ASCC3: variants seen among roughly 807,000 people sequenced by gnomAD.
The protein encoded by ASCC3 is activating signal cointegrator 1 complex subunit 3, also known as ASC-1 complex subunit P200.
Under a neutral mutation model 256.3 loss-of-function variants are expected in ASCC3, and 158 were observed. The observed-to-expected ratio is 0.62, with a 90% CI of 0.54 to 0.70. The LOEUF (loss-of-function observed/expected upper bound fraction) is 0.70, where lower values mean the gene tolerates loss of function less well. Among genes scored for constraint, ASCC3 ranks in the 30% least tolerant of loss-of-function variants. The probability of loss-of-function intolerance (pLI) is 0.00; values close to 1 mark genes in which losing one functional copy is unlikely to be tolerated. For missense variants in ASCC3, 2,259 were observed against 2,626.0 expected (o/e 0.86, Z 3.05); for synonymous variants, 948 against 883.4 (o/e 1.07, Z -1.30).
chr6:100,630,826 T>C (rs548986456), intron 26 of ASCC3, among the ~76,000 whole-genome samples: 1 of 152,206 alleles, frequency 6.6e-6, no homozygotes, highest in South Asian at 2.1e-4. Context: ...AGAACTTATT[T>C]TTGTTTTGTT....
intron 30 of ASCC3, among the ~76,000 whole-genome samples, chr6:100,610,000 AG>A (rs1024387978): frequency 1.3e-5 from 2 of 152,198 alleles, no homozygotes; most frequent in Admixed American, 6.6e-5. Flanking sequence ...GCACAGCATA[AG>A]GAAGTTCTTT....
At chr6:100,855,258 C>T (rs749867211) in intron 3 of ASCC3, among the ~76,000 whole-genome samples, 94 of 152,148 alleles carry the variant, frequency 6.2e-4, no homozygotes, top group Non-Finnish European at 1.1e-3. Flanking sequence ...GGACTACAGA[C>T]GTGCACTACC....
intron 2 of ASCC3, among the ~76,000 whole-genome samples, chr6:100,865,950 T>TTTAATTTA (rs1415807243): frequency 7.7e-6 from 1 of 129,556 alleles, no homozygotes; most frequent in East Asian, 3.4e-4. Flanking sequence ...AGATAAATAA[T>TTTAATTTA]TTCATTTATT....
At chr6:100,670,926 T>C (rs551332241) in intron 14 of ASCC3, among the ~76,000 whole-genome samples, 1 of 152,014 alleles carries the variant, frequency 6.6e-6, no homozygotes, top group Non-Finnish European at 1.5e-5. Context: ...TCCATCAATA[T>C]AGGATTCCAT....
intron 25 of ASCC3, among the ~76,000 whole-genome samples, chr6:100,638,125 A>C (rs1165179324): frequency 6.6e-6 from 1 of 152,186 alleles, no homozygotes; most frequent in Non-Finnish European, 1.5e-5. Flanking sequence ...TCTTATTTTA[A>C]GAAATGACCA....
chr6:100,558,737 G>A (rs1049173306), intron 36 of ASCC3, among the ~76,000 whole-genome samples: 2 of 152,172 alleles, frequency 1.3e-5, no homozygotes, highest in Middle Eastern at 3.4e-3. Context: ...TTACTACCTC[G>A]ACTTAACACT....
chr6:100,646,462 C>CTGT (rs1199992000), intron 22 of ASCC3, among the ~76,000 whole-genome samples, 153 bp downstream of exon 22: 1 of 151,134 alleles, frequency 6.6e-6, no homozygotes, highest in Non-Finnish European at 1.5e-5. Context: ...AGGTGCCCAC[C>CTGT]ACCATGCCCG....
chr6:100,729,457 G>A (rs1024588923), intron 10 of ASCC3, among the ~76,000 whole-genome samples: 1 of 152,144 alleles, frequency 6.6e-6, no homozygotes, highest in Admixed American at 6.6e-5. Flanking sequence ...GCTAGGTAAC[G>A]ATGCACCTCA....
chr6:100,864,800 T>G (rs1773403400), intron 2 of ASCC3, among the ~76,000 whole-genome samples: 1 of 152,206 alleles, frequency 6.6e-6, no homozygotes, highest in Non-Finnish European at 1.5e-5. Context: ...TTTCTCACAG[T>G]TCTGGAGCTA....
intron 4 of ASCC3, among the ~76,000 whole-genome samples, chr6:100,829,902 T>C (rs965402197): frequency 6.6e-6 from 1 of 152,028 alleles, no homozygotes; most frequent in African/African-American, 2.4e-5. Context: ...AGAATAAGGG[T>C]TACTGAACAC....
chr6:100,720,089 C>G, intron 11 of ASCC3, among the ~76,000 whole-genome samples: 1 of 151,886 alleles, frequency 6.6e-6, no homozygotes, highest in South Asian at 2.1e-4. Flanking sequence ...CTACTGGGAA[C>G]ATTTGGTAAT....
chr6:100,855,654 G>A (rs564464391), intron 3 of ASCC3, among the ~76,000 whole-genome samples: 1 of 152,298 alleles, frequency 6.6e-6, no homozygotes, highest in Admixed American at 6.5e-5. Context: ...TACCTAAGCA[G>A]TTTCCTGCTC....
At chr6:100,525,434 C>T (rs1192128921) in intron 37 of ASCC3, among the ~76,000 whole-genome samples, 1 of 151,900 alleles carries the variant, frequency 6.6e-6, no homozygotes, top group East Asian at 1.9e-4. Flanking sequence ...GAGAAACTTT[C>T]AGAGCCAAGA....
chr6:100,603,465 G>T (rs978709566), intron 33 of ASCC3, among the ~76,000 whole-genome samples: 4 of 152,006 alleles, frequency 2.6e-5, no homozygotes, highest in African/African-American at 9.7e-5. Context: ...TACTGCAGTG[G>T]TTTGGGCCTG....
At chr6:100,528,444 A>AT (rs1774704578) in intron 37 of ASCC3, among the ~76,000 whole-genome samples, 1 of 152,106 alleles carries the variant, frequency 6.6e-6, no homozygotes, top group South Asian at 2.1e-4. Context: ...CAGCTGATTT[A>AT]TTTTTTTGGC....
At chr6:100,866,829 G>A (rs1332342912) in intron 2 of ASCC3, among the ~76,000 whole-genome samples, 2 of 152,154 alleles carry the variant, frequency 1.3e-5, no homozygotes, top group Non-Finnish European at 2.9e-5. Context: ...TGTTGTTTAA[G>A]CCACCTAATC....
At chr6:100,825,224 CCAACA>C (rs1401070770) in intron 4 of ASCC3, among the ~76,000 whole-genome samples, 4 of 151,862 alleles carry the variant, frequency 2.6e-5, no homozygotes, top group Non-Finnish European at 1.5e-5. Context: ...TGAATGAGTC[CCAACA>C]CAAATTAGTA....
chr6:100,770,486 TG>T (rs543997699), intron 8 of ASCC3, among the ~76,000 whole-genome samples: 20 of 131,030 alleles, frequency 1.5e-4, no homozygotes, highest in African/African-American at 5.9e-4. Flanking sequence ...GGAGTGCAAT[TG>T]GAAAAGGGGA....
chr6:100,741,691 G>A (rs1207233706), intron 10 of ASCC3, among the ~76,000 whole-genome samples: 1 of 152,114 alleles, frequency 6.6e-6, no homozygotes, highest in East Asian at 1.9e-4. Flanking sequence ...ATACTTGTGA[G>A]TGTATTGTGA....
Sources: gnomAD v4.1 joint callset for allele counts (sites outside exome capture counted in the v4.1 genomes callset) on GRCh38, gnomAD v4.1.1 for gene constraint, MANE v1.5 for transcripts, NCBI Gene and HGNC (gene_info 2026-07-23, HGNC 2026-07-21) for gene names.